Variants in HIVEP2 observed in about 807,000 individuals in gnomAD.
HIVEP2 encodes the protein HIVEP zinc finger 2.
A neutral mutation model predicts 180.7 loss-of-function variants in HIVEP2; 14 were observed. The observed-to-expected ratio is 0.08, with a 90% CI of 0.05 to 0.12. HIVEP2 has a LOEUF of 0.12. HIVEP2 is among the 10% of genes least tolerant of loss of function. The pLI is 1.00. For missense variants in HIVEP2, 2,579 were observed against 3,008.5 expected (o/e 0.86, Z 3.34); for synonymous variants, 1,184 against 1,136.4 (o/e 1.04, Z -0.84).
intron 1 of HIVEP2, among the ~76,000 whole-genome samples, chr6:142,881,246 G>A (rs926454296): frequency 3.9e-5 from 6 of 152,142 alleles, no homozygotes; most frequent in Non-Finnish European, 8.8e-5. Context: ...CAGTTCACAC[G>A]AGTCAGGCTG....
At chr6:142,883,541 C>A (rs550000854) in intron 1 of HIVEP2, among the ~76,000 whole-genome samples, 1 of 152,126 alleles carries the variant, frequency 6.6e-6, no homozygotes, top group Non-Finnish European at 1.5e-5. Context: ...CACTCCTACA[C>A]ATAAAAGTGC....
intron 2 of HIVEP2, among the ~76,000 whole-genome samples, chr6:142,809,353 C>G (rs1776632938): frequency 6.6e-6 from 1 of 152,176 alleles, no homozygotes; most frequent in South Asian, 2.1e-4. Context: ...ATTCTAAGCC[C>G]TCCCTCTCCT....
intron 1 of HIVEP2, among the ~76,000 whole-genome samples, chr6:142,885,972 A>C (rs909449249): frequency 2.0e-5 from 3 of 152,218 alleles, no homozygotes; most frequent in African/African-American, 4.8e-5. Context: ...TGCTTTCCAA[A>C]TAAACTTTAG....
chr6:142,837,217 A>C (rs1342267110), intron 1 of HIVEP2, among the ~76,000 whole-genome samples, 170 bp from the exon 2 acceptor site: 2 of 152,136 alleles, frequency 1.3e-5, no homozygotes, highest in African/African-American at 4.8e-5. Flanking sequence ...GAATTAAGTT[A>C]AATTTTCCAG....
chr6:142,877,344 G>A (rs1205805232), intron 1 of HIVEP2, among the ~76,000 whole-genome samples: 1 of 152,030 alleles, frequency 6.6e-6, no homozygotes, highest in African/African-American at 2.4e-5. Flanking sequence ...GCCAAGTGAA[G>A]AAAATATGGC....
chr6:142,918,673 A>G (rs896621028), intron 1 of HIVEP2, among the ~76,000 whole-genome samples: 1 of 152,254 alleles, frequency 6.6e-6, no homozygotes, highest in Non-Finnish European at 1.5e-5. Context: ...TTCACCAATA[A>G]AAAACATAAT....
At chr6:142,883,197 G>C (rs890417787) in intron 1 of HIVEP2, among the ~76,000 whole-genome samples, 2 of 152,056 alleles carry the variant, frequency 1.3e-5, no homozygotes, top group Non-Finnish European at 2.9e-5. Flanking sequence ...CATGGAGAGA[G>C]AAAGGGGGGA....
rs928923999 is a variant in HIVEP2, at chr6:142,774,341, A to C, written c.398T>G (p.Val133Gly). Residue 133 changes from valine to glycine, a missense_variant, in exon 5 of 10, where the codon GTT (valine) becomes GGT (glycine). Coordinates refer to ENST00000367603, the MANE Select transcript of HIVEP2 (RefSeq NM_006734.4). The surrounding 1 kb of genome is among the most constrained non-coding windows in gnomAD (Gnocchi z 5.1). ...AAAAGGAAATAAGTCCTCAGAGGCA[A>C]CGGATGGCAAAGGGCCAGGGAAAAG... is the stretch of plus-strand genomic sequence containing the variant. ...PWLFPGPLPS[V>G]ASEDLFPFPI... 1 of 1,614,234 alleles carries C rather than the reference A, an allele frequency of 6.2e-7. No homozygotes were observed. Among genetic ancestry groups the C allele is most frequent in the Non-Finnish European group, 8.5e-7 (1 of 1,180,042 alleles).
intron 1 of HIVEP2, among the ~76,000 whole-genome samples, chr6:142,896,966 C>T (rs557800555): frequency 3.6e-4 from 55 of 152,298 alleles, no homozygotes; most frequent in Non-Finnish European, 7.1e-4. Flanking sequence ...CAGAGTATGA[C>T]TATATTGTTC....
In HIVEP2 at chr6:142,844,447, A is replaced by G. The variant is rs554715934; in HGVS notation, c.-640-7400T>C. 2.0e-5 allele frequency among the ~76,000 whole-genome samples: 3 copies of G among 152,340 alleles called. No homozygotes were observed. The South Asian group carries it at 6.2e-4, about 32-fold the overall frequency. ...TTTCCATCTTTTCATCTTGGGAACT[A>G]TGAAATTCGTCATCTTATTGTAAGC... On this transcript the variant is annotated intron_variant, in intron 1 of 9. Transcript: ENST00000367603.
chr6:142,903,705 CA>C (rs937187401), intron 1 of HIVEP2, among the ~76,000 whole-genome samples: 1 of 152,040 alleles, frequency 6.6e-6, no homozygotes, highest in African/African-American at 2.4e-5. Flanking sequence ...CAAAACAAAA[CA>C]AAAAGGTGAA....
At chr6:142,929,403 T>A (rs1268450766) in intron 1 of HIVEP2, among the ~76,000 whole-genome samples, 1 of 152,162 alleles carries the variant, frequency 6.6e-6, no homozygotes, top group Non-Finnish European at 1.5e-5. Flanking sequence ...AAGATCAGTA[T>A]GAGAACGGTA....
intron 1 of HIVEP2, among the ~76,000 whole-genome samples, chr6:142,860,603 T>C (rs1171284309): frequency 1.3e-5 from 2 of 152,214 alleles, no homozygotes; most frequent in African/African-American, 2.4e-5. Context: ...CAGATCATCA[T>C]GCATTAGATT....
chr6:142,899,041 CCT>C (rs1777066908), intron 1 of HIVEP2, among the ~76,000 whole-genome samples: 1 of 152,116 alleles, frequency 6.6e-6, no homozygotes, highest in South Asian at 2.1e-4. Context: ...GAATATGTCC[CCT>C]GTCTTGCCTG....
chr6:142,792,609 T>G (rs1390546966), intron 2 of HIVEP2, among the ~76,000 whole-genome samples: 1 of 152,058 alleles, frequency 6.6e-6, no homozygotes, highest in African/African-American at 2.4e-5. Flanking sequence ...TACCTAAGCA[T>G]GCGGGGCTTA....
chr6:142,921,395 C>T (rs1240990924), intron 1 of HIVEP2, among the ~76,000 whole-genome samples: 1 of 152,144 alleles, frequency 6.6e-6, no homozygotes, highest in African/African-American at 2.4e-5. Flanking sequence ...ATTAGCCAGG[C>T]GTGGTGGCAC....
chr6:142,909,987 TGTCA>T (rs745623289), intron 1 of HIVEP2, among the ~76,000 whole-genome samples: 1 of 152,244 alleles, frequency 6.6e-6, no homozygotes, highest in Non-Finnish European at 1.5e-5. Flanking sequence ...ACTTTCAGGC[TGTCA>T]GTGATTACAT....
intron 1 of HIVEP2, among the ~76,000 whole-genome samples, chr6:142,907,681 C>T (rs1023404400): frequency 5.9e-5 from 9 of 152,114 alleles, no homozygotes; most frequent in African/African-American, 2.2e-4. Context: ...GGAGTGAAAC[C>T]CCATAAACAA....
At chr6:142,817,275 C>G (rs1361321045) in intron 2 of HIVEP2, among the ~76,000 whole-genome samples, 7 of 152,210 alleles carry the variant, frequency 4.6e-5, no homozygotes, top group Non-Finnish European at 1.0e-4. Context: ...GCTTAGAATA[C>G]TCTATGGTTG....
Sources: allele counts gnomAD v4.1 joint callset (sites outside exome capture counted in the v4.1 genomes callset), GRCh38; gene constraint gnomAD v4.1.1; non-coding constraint Gnocchi (gnomAD v3.1); transcripts MANE v1.5; gene names NCBI Gene and HGNC (gene_info 2026-07-23, HGNC 2026-07-21).